EPCIP: variants seen among roughly 807,000 people sequenced by gnomAD.
EPCIP encodes the protein exosomal polycystin 1 interacting protein.
chr21:32,809,290 T>TTCTTTCTTTCTTTCTTTCTTTC, the EPCIP span, among the ~76,000 whole-genome samples: 1 of 120,498 alleles, frequency 8.3e-6, no homozygotes, highest in Non-Finnish European at 1.7e-5. Flanking sequence ...CTTTCTTTCT[T>TTCTTTCTTTCTTTCTTTCTTTC]TCTTTCTTTC....
At chr21:32,791,734 GA>G in the EPCIP span, among the ~76,000 whole-genome samples, 462 of 130,264 alleles carry the variant, frequency 3.5e-3, no homozygotes, top group Middle Eastern at 7.8e-3. Flanking sequence ...AAGGTTAAGT[GA>G]AAAAAAAAAA....
the EPCIP span, among the ~76,000 whole-genome samples, chr21:32,795,770 G>C: frequency 1.2e-4 from 19 of 152,188 alleles, no homozygotes; most frequent in African/African-American, 4.6e-4. Context: ...AAGGAATCAA[G>C]GCTAAAAATG....
the EPCIP span, among the ~76,000 whole-genome samples, chr21:32,808,321 C>G: frequency 1.1e-4 from 17 of 151,794 alleles, no homozygotes; most frequent in African/African-American, 3.6e-4. Flanking sequence ...GGCTGGCAGA[C>G]CTTTACTATT....
chr21:32,807,245 C>G, the EPCIP span, among the ~76,000 whole-genome samples: 1 of 152,014 alleles, frequency 6.6e-6, no homozygotes, highest in Non-Finnish European at 1.5e-5. Context: ...CACATAGGAG[C>G]ACTCCATGAC....
chr21:32,810,297 C>T, the EPCIP span, among the ~76,000 whole-genome samples: 4 of 137,516 alleles, frequency 2.9e-5, no homozygotes, highest in South Asian at 2.3e-4. Context: ...GCTCTGTCGC[C>T]CAGGCTGGAG....
the EPCIP span, among the ~76,000 whole-genome samples, chr21:32,809,652 C>T: frequency 6.6e-6 from 1 of 152,052 alleles, no homozygotes; most frequent in African/African-American, 2.4e-5. Context: ...CATGAGCCAC[C>T]GCGCCTGCCC....
At chr21:32,792,366 T>C in the EPCIP span, among the ~76,000 whole-genome samples, 1 of 152,242 alleles carries the variant, frequency 6.6e-6, no homozygotes, top group East Asian at 1.9e-4. Context: ...CCAAATGGAT[T>C]GAGCCTTAGA....
At chr21:32,811,791 C>T in the EPCIP span, among the ~76,000 whole-genome samples, 398 of 152,282 alleles carry the variant, frequency 2.6e-3, 4 homozygotes, top group African/African-American at 8.8e-3. Flanking sequence ...TTTAAGAGGG[C>T]GGTGCCCTCA....
chr21:32,792,018 C>G, the EPCIP span, among the ~76,000 whole-genome samples: 1 of 151,976 alleles, frequency 6.6e-6, no homozygotes, highest in Admixed American at 6.6e-5. Context: ...GACTCTCCTG[C>G]CTCAGCCTCC....
At chr21:32,800,816 A>C in the EPCIP span, among the ~76,000 whole-genome samples, 1 of 66,248 alleles carries the variant, frequency 1.5e-5, no homozygotes, top group Non-Finnish European at 3.9e-5. Context: ...AAAAACAAAA[A>C]AAAAACCAAA....
chr21:32,809,279 C>CCTTCCTTCCTTTCTTT, the EPCIP span, among the ~76,000 whole-genome samples: 2 of 79,968 alleles, frequency 2.5e-5, no homozygotes, highest in African/African-American at 9.3e-5. Context: ...CTCCCTCCTT[C>CCTTCCTTCCTTTCTTT]CTTTCTTTCT....
At chr21:32,790,918 A>C in the EPCIP span, 1 of 152,230 alleles carries the variant, frequency 6.6e-6, no homozygotes, top group African/African-American at 2.4e-5. Context: ...CGACATTTAC[A>C]AATTGTGAGA....
chr21:32,796,603 T>C, the EPCIP span, among the ~76,000 whole-genome samples: 2 of 152,202 alleles, frequency 1.3e-5, no homozygotes, highest in African/African-American at 2.4e-5. Flanking sequence ...CATTTTGTCA[T>C]GAAAGAAAGA....
At chr21:32,802,931 C>G in the EPCIP span, among the ~76,000 whole-genome samples, 2 of 152,294 alleles carry the variant, frequency 1.3e-5, no homozygotes, top group African/African-American at 4.8e-5. Flanking sequence ...CTTAGCATCC[C>G]AACACAGCTT....
chr21:32,804,744 C>T, the EPCIP span, among the ~76,000 whole-genome samples: 1 of 152,158 alleles, frequency 6.6e-6, no homozygotes, highest in Non-Finnish European at 1.5e-5. Flanking sequence ...ATCAGATTTA[C>T]AAACGTCCTC....
the EPCIP span, among the ~76,000 whole-genome samples, chr21:32,796,169 T>C: frequency 6.6e-6 from 1 of 152,098 alleles, no homozygotes; most frequent in Non-Finnish European, 1.5e-5. Flanking sequence ...AGAACTTATG[T>C]CCTAACGAAA....
chr21:32,797,102 G>C, the EPCIP span: 6 of 429,698 alleles, frequency 1.4e-5, no homozygotes, highest in East Asian at 1.5e-4. Context: ...CTGCCTCCTG[G>C]ACATTAGGAA....
At chr21:32,793,430 G>C in the EPCIP span, 1 of 442,032 alleles carries the variant, frequency 2.3e-6, no homozygotes, top group East Asian at 4.3e-5. Flanking sequence ...TCTCTAGGGT[G>C]TATTGCTTTC....
chr21:32,797,369 C>A, the EPCIP span: 1 of 199,718 alleles, frequency 5.0e-6, no homozygotes. Context: ...TTGTCTCAGC[C>A]TCCTGAGTAG....
Sources: allele counts gnomAD v4.1 joint callset (sites outside exome capture counted in the v4.1 genomes callset), GRCh38; gene constraint gnomAD v4.1.1; transcripts MANE v1.5; gene names NCBI Gene and HGNC (gene_info 2026-07-23, HGNC 2026-07-21).